Variants in STON1 observed in about 807,000 individuals in gnomAD.
STON1 encodes the protein stonin-1.
STON1 carries 79 observed loss-of-function variants against 60.9 expected under a neutral mutation model. The ratio of observed to expected loss-of-function variants is 1.30; its 90% confidence interval spans 1.08 to 1.56. The LOEUF (loss-of-function observed/expected upper bound fraction) is 1.56. Among genes scored for constraint, STON1 ranks in the 40% most tolerant of loss-of-function variants. The pLI is 0.00. For missense variants in STON1, 1,166 were observed against 858.9 expected (o/e 1.36, Z -4.47); for synonymous variants, 363 against 306.9 (o/e 1.18, Z -1.91).
In STON1 at chr2:48,577,582, T is replaced by TAA. The variant is rs70946812; in HGVS notation, c.-47-2995_-47-2994dup. The stretch of plus-strand genomic sequence containing the variant: ...AGCGACAGAGCGAGACTCCGTCTCA[T>TAA]AAAAAAAAAAAGAAAAAAAAACAGG... On this transcript the variant is annotated intron_variant, in intron 1 of 3. Transcript: ENST00000404752. 4.0e-4 allele frequency among the ~76,000 whole-genome samples: 56 copies of TAA among 141,052 alleles called. 1 individual carries two copies. Among genetic ancestry groups the TAA allele is most frequent in the South Asian group, 4.5e-4 (2 of 4,442 alleles). The allele number at this position is 141,052 out of a possible 152,430, so 92.5% of individuals were successfully genotyped here.
rs959004881 is a variant in STON1, at chr2:48,595,602, T to C, written c.*300T>C. 2.9e-6 allele frequency: 1 copy of C among 349,090 alleles called. No homozygotes were observed. The highest frequency in any genetic ancestry group is 2.2e-5 in the African/African-American group (1 of 46,428). The allele number at this position is 349,090 out of a possible 1,614,324, so 21.6% of individuals were successfully genotyped here. ...TGTGACCCCGCAGCCAGTATGATTT[T>C]TGATTACTCAGTGGCTGACTGTTTT... On this transcript the variant is annotated 3_prime_UTR_variant, in exon 4 of 4. Coordinates refer to ENST00000404752, the MANE Select transcript of STON1 (RefSeq NM_006873.4).
intron 1 of STON1, among the ~76,000 whole-genome samples, chr2:48,560,188 G>C (rs973965715): frequency 6.6e-6 from 1 of 152,118 alleles, no homozygotes. Flanking sequence ...AAACTTCCAG[G>C]ACTTTCTGCT....
intron 1 of STON1, among the ~76,000 whole-genome samples, chr2:48,558,142 G>C (rs887540250): frequency 3.3e-5 from 5 of 152,334 alleles, no homozygotes; most frequent in African/African-American, 1.2e-4. Flanking sequence ...AGAATCGCTT[G>C]AACCCGGGAG....
At chr2:48,541,703 A>C (rs866463435) in intron 1 of STON1, among the ~76,000 whole-genome samples, 8 of 135,256 alleles carry the variant, frequency 5.9e-5, no homozygotes, top group African/African-American at 2.4e-4. Context: ...TCGTCTCAAA[A>C]AAAAAAAAAA....
chr2:48,567,647 C>T (rs1673003435), intron 1 of STON1, among the ~76,000 whole-genome samples: 1 of 152,174 alleles, frequency 6.6e-6, no homozygotes, highest in Non-Finnish European at 1.5e-5. Context: ...AGGTGATCTG[C>T]CCGCCTCGGC....
intron 1 of STON1, among the ~76,000 whole-genome samples, chr2:48,558,863 C>G (rs1306212725): frequency 1.3e-5 from 2 of 152,322 alleles, no homozygotes; most frequent in Non-Finnish European, 2.9e-5. Flanking sequence ...GTTGTTTTCT[C>G]TGGCCTTTCC....
At chr2:48,551,628 C>G (rs1409705247) in intron 1 of STON1, among the ~76,000 whole-genome samples, 1 of 152,256 alleles carries the variant, frequency 6.6e-6, no homozygotes, top group Non-Finnish European at 1.5e-5. Flanking sequence ...TTTGCTGCTT[C>G]CTCTCCCTTT....
intron 1 of STON1, chr2:48,568,977 T>G (rs770843307): frequency 2.0e-5 from 3 of 152,414 alleles, no homozygotes; most frequent in Non-Finnish European, 4.4e-5. Flanking sequence ...GCAGGACCCC[T>G]GACACCAGCA....
At chr2:48,564,566 TCTCCTTCTCCTTCTC>T (rs1672831094) in intron 1 of STON1, among the ~76,000 whole-genome samples, 3 of 53,164 alleles carry the variant, frequency 5.6e-5, no homozygotes, top group African/African-American at 2.3e-4. Flanking sequence ...TTCTTCTTCT[TCTCCTTCTCCTTCTC>T]CTCCTCCTCC....
chr2:48,564,205 T>G (rs1189057116), intron 1 of STON1, among the ~76,000 whole-genome samples: 4 of 152,174 alleles, frequency 2.6e-5, no homozygotes, highest in Non-Finnish European at 5.9e-5. Context: ...TCTTCAAGTT[T>G]GAGCTACTAT....
intron 2 of STON1, among the ~76,000 whole-genome samples, chr2:48,585,995 C>G (rs1180065358): frequency 1.3e-5 from 2 of 152,270 alleles, no homozygotes; most frequent in Non-Finnish European, 2.9e-5. Context: ...GACAAGAGCA[C>G]AGGCTCCCTT....
chr2:48,537,451 A>T (rs941486250), intron 1 of STON1, among the ~76,000 whole-genome samples: 2 of 152,244 alleles, frequency 1.3e-5, no homozygotes, highest in Admixed American at 1.3e-4. Flanking sequence ...GTACATAAAT[A>T]TACATATACA....
intron 1 of STON1, among the ~76,000 whole-genome samples, chr2:48,551,166 T>C (rs1256659633): frequency 6.6e-6 from 1 of 152,196 alleles, no homozygotes; most frequent in Non-Finnish European, 1.5e-5. Flanking sequence ...TATGCTCTGG[T>C]GTGTCCTGAC....
rs1672782498 is a variant in STON1 at position 48,564,476 on chromosome 2, CTTCTTTCTTCTTCTTCTTCTTCTT to C, written c.-47-16110_-47-16087del. On this transcript the variant is annotated intron_variant, in intron 1 of 3. Coordinates refer to ENST00000404752, the MANE Select transcript of STON1 (RefSeq NM_006873.4). Reference sequence around the variant, plus strand: ...TCTTCTTCTTCTTCTTCTTCTTCTTCTTCTTTCTTCTTCTTCTTCTTCTTCTTCTTCTTCTTCTTCTTCTTCTTC... The same window carrying C: ...TCTTCTTCTTCTTCTTCTTCTTCTTCCTTCTTCTTCTTCTTCTTCTTCTTC... Among the ~76,000 whole-genome samples the C allele has an allele frequency of 1.2e-4, 6 of 50,356 alleles. 1 individual carries two copies. The highest frequency in any genetic ancestry group is 2.3e-4 in the African/African-American group (3 of 12,918). 33.0% of individuals were successfully genotyped at this position (50,356 alleles called of 152,430 possible).
At chr2:48,546,439 G>A (rs1016698239) in intron 1 of STON1, among the ~76,000 whole-genome samples, 4 of 152,174 alleles carry the variant, frequency 2.6e-5, no homozygotes, top group Non-Finnish European at 5.9e-5. Context: ...TAGCTCTGAA[G>A]CTCATGTTTC....
At position 48,582,007 on chromosome 2, in the gene STON1, G is replaced by C. The variant is rs753310770; in HGVS notation, c.1374G>C (p.Leu458Phe). The change falls in exon 2 of 4, where the codon TTG (leucine) becomes TTC (phenylalanine). Residue 458 changes from leucine to phenylalanine, a missense_variant. Coordinates refer to ENST00000404752, the MANE Select transcript of STON1 (RefSeq NM_006873.4). ...GGAACCTGGAATGCTTTTTAACCTTGAATGACCTTGAGTTGCCGAAGCGAG... is the reference window on the plus strand; with the variant it reads ...GGAACCTGGAATGCTTTTTAACCTTCAATGACCTTGAGTTGCCGAAGCGAG... ...VNGNLECFLT[L>F]NDLELPKRDE... 4 of 1,614,024 alleles carry C rather than the reference G, an allele frequency of 2.5e-6. No individual in the cohort carries two copies. The African/African-American group carries it at 5.3e-5, about 22-fold the overall frequency.
At chr2:48,535,922 TA>T (rs1466703949) in intron 1 of STON1, among the ~76,000 whole-genome samples, 24 of 151,680 alleles carry the variant, frequency 1.6e-4, no homozygotes, top group African/African-American at 5.8e-4. Context: ...ACCCTGCCTC[TA>T]CAAAAAATAT....
rs766992111 is a variant in STON1, at chr2:48,591,668, A to G, written c.1946A>G (p.His649Arg). The G allele has an allele frequency of 1.2e-6, 2 of 1,613,876 alleles. No homozygotes were observed. Among genetic ancestry groups the G allele is most frequent in the South Asian group, 1.1e-5 (1 of 91,066 alleles). Residue 649 changes from histidine (H) to arginine (R), a missense_variant, in exon 3 of 4, where the codon CAT becomes CGT. Transcript: ENST00000404752. Reference sequence around the variant, plus strand: ...TTCCCTCGAGGTCTAGATCATCCCCATTGTCTGTCATACAAATTAGAGCTT... The same window carrying G: ...TTCCCTCGAGGTCTAGATCATCCCCGTTGTCTGTCATACAAATTAGAGCTT... ...PDKNSSLDHPHCLSYKLELGS... is the reference protein window; with the variant it reads ...PDKNSSLDHPRCLSYKLELGS...
Position 48,581,150 on chromosome 2 carries a change from T to C in STON1, c.517T>C (p.Phe173Leu). The change falls in exon 2 of 4, where the codon TTT (phenylalanine) becomes CTT (leucine). Residue 173 changes from phenylalanine (F) to leucine (L), a missense_variant. Coordinates refer to ENST00000404752, the MANE Select transcript of STON1 (RefSeq NM_006873.4). The part of the protein sequence containing the change: ...LGFQSDDLPQ[F>L]QYFREDCAFS... ...ATTCCAAAGTGATGATCTCCCCCAG[T>C]TTCAGTATTTTCGAGAGGACTGTGC... 2 of 1,562,292 alleles carry C rather than the reference T, an allele frequency of 1.3e-6. No individual in the cohort carries two copies. Among genetic ancestry groups the C allele is most frequent in the Non-Finnish European group, 1.7e-6 (2 of 1,161,986 alleles).
Sources: allele counts gnomAD v4.1 joint callset (sites outside exome capture counted in the v4.1 genomes callset), GRCh38; gene constraint gnomAD v4.1.1; transcripts MANE v1.5; gene names NCBI Gene and HGNC (gene_info 2026-07-23, HGNC 2026-07-21).